The following CCNJL variants were observed in gnomAD, a reference collection of about 807,000 sequenced individuals.
CCNJL encodes the protein cyclin J like.
Under a neutral mutation model 33.4 loss-of-function variants are expected in CCNJL, and 33 were observed. The observed-to-expected ratio is 0.99, with a 90% CI of 0.75 to 1.32. The LOEUF (loss-of-function observed/expected upper bound fraction) is 1.32. Among genes scored for constraint, CCNJL ranks in the 40% most tolerant of loss-of-function variants. The pLI, the probability that CCNJL is intolerant of heterozygous loss-of-function variation, is 0.00. For synonymous variants in CCNJL, 227 were observed against 220.9 expected (o/e 1.03, Z -0.24); for missense variants, 512 against 499.7 (o/e 1.02, Z -0.23).
intron 3 of CCNJL, among the ~76,000 whole-genome samples, chr5:160,263,928 G>A (rs1761456135): frequency 6.6e-6 from 1 of 151,458 alleles, no homozygotes; most frequent in South Asian, 2.1e-4. Context: ...GGAACAGCAG[G>A]AGCCCTATCA....
In CCNJL at chr5:160,299,605, G is replaced by A. The variant is rs546192103; in HGVS notation, c.66+12253C>T. The stretch of plus-strand genomic sequence containing the variant: ...TTTTAGGTGTGAAAATGGCATAGTT[G>A]TTATGTTAAAAAAAAAAAAAGCCCT... On this transcript the variant is annotated intron_variant, in intron 2 of 5. Transcript: ENST00000257536. Among the ~76,000 whole-genome samples, 4 of 139,758 alleles carry A rather than the reference G, an allele frequency of 2.9e-5. No homozygotes were observed. In the South Asian group the frequency reaches 8.9e-4, roughly 31 times the overall value. The allele number at this position is 139,758 out of a possible 152,430, so 91.7% of individuals were successfully genotyped here.
At chr5:160,312,190 C>A (rs1000863898) in intron 1 of CCNJL, among the ~76,000 whole-genome samples, 174 bp downstream of exon 1, 1 of 152,218 alleles carries the variant, frequency 6.6e-6, no homozygotes, top group Admixed American at 6.5e-5. Context: ...CAACAACTTG[C>A]AGAATTTTTA....
chr5:160,301,437 C>CTT (rs745427095), intron 2 of CCNJL, among the ~76,000 whole-genome samples: 30 of 144,510 alleles, frequency 2.1e-4, no homozygotes, highest in Admixed American at 7.6e-4. Context: ...TGGCCTATGT[C>CTT]TTTTTTTTTT....
At chr5:160,325,677 T>C (rs1581021667) in intron 1 of CCNJL, among the ~76,000 whole-genome samples, 1 of 152,186 alleles carries the variant, frequency 6.6e-6, no homozygotes, top group East Asian at 1.9e-4. Flanking sequence ...TTTGAGGCAA[T>C]ATAAGCAAGC....
chr5:160,258,381 T>C, intron 4 of CCNJL: 1 of 783,428 alleles, frequency 1.3e-6, no homozygotes, highest in South Asian at 1.4e-5. Flanking sequence ...AGAATGAAGA[T>C]GTGAAAGAAG....
At chr5:160,273,793 C>T (rs985046699) in intron 3 of CCNJL, among the ~76,000 whole-genome samples, 1 of 151,782 alleles carries the variant, frequency 6.6e-6, no homozygotes, top group Admixed American at 6.6e-5. Flanking sequence ...ACTACAGGTG[C>T]CCACCACCAC....
At chr5:160,338,172 G>A (rs1323202111) in intron 1 of CCNJL, among the ~76,000 whole-genome samples, 1 of 152,190 alleles carries the variant, frequency 6.6e-6, no homozygotes, top group Non-Finnish European at 1.5e-5. Flanking sequence ...CAAGGCGGGT[G>A]GGTCATTTGA....
chr5:160,327,239 C>T (rs931613204), intron 1 of CCNJL, among the ~76,000 whole-genome samples: 2 of 152,158 alleles, frequency 1.3e-5, no homozygotes, highest in Non-Finnish European at 2.9e-5. Context: ...AGGATAACAG[C>T]AGTGCCTACC....
rs1277150255 is a variant in CCNJL at position 160,310,194 on chromosome 5, A to G, written c.66+1664T>C. Among the ~76,000 whole-genome samples, 6 of 152,292 alleles carry G rather than the reference A, an allele frequency of 3.9e-5. No individual in the cohort carries two copies. The East Asian group carries it at 1.2e-3, about 29-fold the overall frequency. ...CCCAATTTCCACGGCAGTCCTCACT[A>G]GCTCCATTCAGCCACCTCCTCCAGA... On this transcript the variant is annotated intron_variant, in intron 2 of 5. Coordinates refer to ENST00000257536, the MANE Select transcript of CCNJL (RefSeq NM_001308173.3).
chr5:160,272,553 G>A (rs890951452), intron 3 of CCNJL, among the ~76,000 whole-genome samples: 13 of 152,186 alleles, frequency 8.5e-5, no homozygotes, highest in Admixed American at 6.5e-4. Flanking sequence ...AAGTGGACAC[G>A]GGTGAGGGGC....
intron 2 of CCNJL, among the ~76,000 whole-genome samples, chr5:160,297,135 T>C (rs559559779): frequency 2.2e-4 from 33 of 152,304 alleles, no homozygotes; most frequent in African/African-American, 7.7e-4. Flanking sequence ...CATTAACATA[T>C]GGCTATAAGT....
Position 160,259,780 on chromosome 5 carries a change from G to GAGCAGGGGA in CCNJL, c.281-18_281-10dup. ...CCGATCCTCGAACTTACCTGTCGGG[G>GAGCAGGGGA]AGCAGGGGAAGCAGGGGTTACTGGA... is the stretch of plus-strand genomic sequence containing the variant. On this transcript the variant is annotated splice_polypyrimidine_tract_variant and intron_variant, in intron 3 of 5. Coordinates refer to ENST00000257536, the MANE Select transcript of CCNJL (RefSeq NM_001308173.3). The GAGCAGGGGA allele has an allele frequency of 6.3e-7, 1 of 1,595,298 alleles. No individual in the cohort carries two copies. Among genetic ancestry groups the GAGCAGGGGA allele is most frequent in the Non-Finnish European group, 8.6e-7 (1 of 1,169,284 alleles).
intron 2 of CCNJL, among the ~76,000 whole-genome samples, chr5:160,303,019 A>T (rs1762972633): frequency 6.6e-6 from 1 of 152,130 alleles, no homozygotes; most frequent in Non-Finnish European, 1.5e-5. Context: ...CCTTTCCATC[A>T]TCTACTCTTT....
chr5:160,320,578 G>A (rs1335401939), intron 1 of CCNJL, among the ~76,000 whole-genome samples: 3 of 152,210 alleles, frequency 2.0e-5, no homozygotes, highest in Admixed American at 6.5e-5. Flanking sequence ...AGTGTGGAGC[G>A]ATGAGGACTG....
At chr5:160,306,779 A>T (rs1176222070) in intron 2 of CCNJL, among the ~76,000 whole-genome samples, 1 of 152,238 alleles carries the variant, frequency 6.6e-6, no homozygotes, top group South Asian at 2.1e-4. Context: ...ATTCAGGAAG[A>T]AAAACAGGAC....
At chr5:160,312,772 G>C (rs1763320837), upstream of CCNJL, 1 of 152,112 alleles carries the variant, frequency 6.6e-6, no homozygotes, top group Admixed American at 6.5e-5. Flanking sequence ...GTAGCCTTCT[G>C]GGCACCCCTC....
chr5:160,290,218 C>T (rs1762538997), intron 2 of CCNJL, among the ~76,000 whole-genome samples: 1 of 152,056 alleles, frequency 6.6e-6, no homozygotes, highest in African/African-American at 2.4e-5. Context: ...CATTATTAAT[C>T]CACTTTTCCT....
intron 3 of CCNJL, among the ~76,000 whole-genome samples, chr5:160,266,510 C>T (rs1761594831): frequency 1.3e-5 from 2 of 152,160 alleles, no homozygotes; most frequent in African/African-American, 4.8e-5. Flanking sequence ...GGAGCAGGGG[C>T]AGGGCAGGGG....
chr5:160,252,285 G>C lies in CCNJL; in HGVS notation c.*1093C>G, dbSNP rs1221375236. 1.3e-5 allele frequency: 2 copies of C among 152,558 alleles called. No individual in the cohort carries two copies. The highest frequency in any genetic ancestry group is 2.4e-5 in the African/African-American group (1 of 41,414). The allele number at this position is 152,558 out of a possible 1,614,324, so 9.5% of individuals were successfully genotyped here. A position where few individuals can be genotyped will look rare whatever the true frequency, so the allele number is the denominator to read the frequency against. ...TTGCCTATCAATGGTGGTATCAAAC[G>C]CCCATGTACATCCCACTCCCCAAAT... On this transcript the variant is annotated 3_prime_UTR_variant, in exon 6 of 6. Coordinates refer to ENST00000257536, the MANE Select transcript of CCNJL (RefSeq NM_001308173.3).
Sources: gnomAD v4.1 joint callset for allele counts (sites outside exome capture counted in the v4.1 genomes callset) on GRCh38, gnomAD v4.1.1 for gene constraint, MANE v1.5 for transcripts, NCBI Gene and HGNC (gene_info 2026-07-23, HGNC 2026-07-21) for gene names.